SPIRE2: variants seen among roughly 807,000 people sequenced by gnomAD.
The protein encoded by SPIRE2 is spire type actin nucleation factor 2, also known as protein spire homolog 2.
SPIRE2 carries 76 observed loss-of-function variants against 80.7 expected under a neutral mutation model. The observed-to-expected ratio is 0.94, with a 90% CI of 0.78 to 1.14. The LOEUF is 1.14. Among genes scored for constraint, SPIRE2 ranks in the 50% most tolerant of loss-of-function variants. The probability of loss-of-function intolerance (pLI) is 0.00; values close to 1 mark genes in which losing one functional copy is unlikely to be tolerated. For synonymous variants in SPIRE2, 535 were observed against 432.6 expected (o/e 1.24, Z -2.94); for missense variants, 1,196 against 1,015.3 (o/e 1.18, Z -2.42).
At chr16:89,848,082 C>CCGCTA (rs1465292654) in intron 2 of SPIRE2, among the ~76,000 whole-genome samples, 1 of 152,212 alleles carries the variant, frequency 6.6e-6, no homozygotes, top group Non-Finnish European at 1.5e-5. Flanking sequence ...AACACATTTC[C>CCGCTA]CGCTACGCTG....
At chr16:89,864,929 T>A (rs918192869) in intron 12 of SPIRE2, among the ~76,000 whole-genome samples, 1 of 151,666 alleles carries the variant, frequency 6.6e-6, no homozygotes, top group African/African-American at 2.4e-5. Context: ...TTGTAACACG[T>A]GTGTAAGTAG....
chr16:89,860,009 A>G (rs977600591), intron 9 of SPIRE2, among the ~76,000 whole-genome samples: 6 of 152,244 alleles, frequency 3.9e-5, no homozygotes, highest in East Asian at 1.9e-4. Context: ...CAAACCTCAC[A>G]CTTACTTAAC....
In SPIRE2 at chr16:89,845,605, T is replaced by C. The variant is rs1166772947; in HGVS notation, c.288+240T>C. On this transcript the variant is annotated intron_variant, in intron 2 of 14. Coordinates refer to ENST00000378247, the MANE Select transcript of SPIRE2 (RefSeq NM_032451.2). ...GGTGCTTCCGGCCTGGAGGAGGCAG[T>C]GGTGTTACTTCCTTCCACAGCTGCA... 1.6e-5 allele frequency: 11 copies of C among 702,214 alleles called. No homozygotes were observed. In the East Asian group the frequency reaches 2.4e-4, roughly 15 times the overall value. The allele number at this position is 702,214 out of a possible 1,614,324, so 43.5% of individuals were successfully genotyped here. A position where few individuals can be genotyped will look rare whatever the true frequency, so the allele number is the denominator to read the frequency against.
At chr16:89,836,466 C>T (rs1354234790) in intron 1 of SPIRE2, 2 of 306,602 alleles carry the variant, frequency 6.5e-6, no homozygotes, top group Non-Finnish European at 6.6e-6. Context: ...ATCCTCCCTT[C>T]CATCTCATTT....
At position 89,863,293 on chromosome 16, in the gene SPIRE2, C is replaced by G. The variant is rs2041760160; in HGVS notation, c.1576-183C>G. ...TGGTCATGGGAGGCCTGGCCTGCAG[C>G]AGCAGGGCCCATCAAAGACATGGGG... On this transcript the variant is annotated intron_variant, in intron 10 of 14. Coordinates refer to ENST00000378247, the MANE Select transcript of SPIRE2 (RefSeq NM_032451.2). This position sits in a 1 kb window ranked among gnomAD's most constrained non-coding sequence, Gnocchi z 4.3. 4.4e-6 allele frequency: 3 copies of G among 675,046 alleles called. No homozygotes were observed. The highest frequency in any genetic ancestry group is 2.5e-6 in the Non-Finnish European group (1 of 406,912). 41.8% of individuals were successfully genotyped at this position (675,046 alleles called of 1,614,324 possible).
chr16:89,849,965 G>A, intron 2 of SPIRE2: 3 of 397,286 alleles, frequency 7.6e-6, no homozygotes, highest in South Asian at 6.2e-5. Flanking sequence ...AGCCTCCCAA[G>A]TAAATGGGAT....
intron 12 of SPIRE2, among the ~76,000 whole-genome samples, chr16:89,864,372 G>C (rs1274025378): frequency 4.6e-5 from 7 of 152,178 alleles, no homozygotes; most frequent in African/African-American, 1.4e-4. Flanking sequence ...TGAAGGAAAT[G>C]ACTGAAGGCT....
chr16:89,864,417 C>T lies in SPIRE2; in HGVS notation c.1778+556C>T, dbSNP rs768728321. Among the ~76,000 whole-genome samples, 74 of 152,214 alleles carry T rather than the reference C, an allele frequency of 4.9e-4. 1 individual carries two copies. Among genetic ancestry groups the T allele is most frequent in the Admixed American group, 4.2e-3 (64 of 15,272 alleles). Reference sequence around the variant, plus strand: ...TTATCCTAAAGCAGAGATTGGCAGACTATAGCCACGGGCCAAATCTGGTCC... The same window carrying T: ...TTATCCTAAAGCAGAGATTGGCAGATTATAGCCACGGGCCAAATCTGGTCC... On this transcript the variant is annotated intron_variant, in intron 12 of 14. Coordinates refer to ENST00000378247, the MANE Select transcript of SPIRE2 (RefSeq NM_032451.2).
intron 1 of SPIRE2, among the ~76,000 whole-genome samples, chr16:89,832,528 C>G (rs1429385333): frequency 6.6e-5 from 10 of 152,042 alleles, no homozygotes; most frequent in African/African-American, 2.2e-4. Flanking sequence ...GCTTGGAATG[C>G]GTTCCTTAAA....
intron 1 of SPIRE2, among the ~76,000 whole-genome samples, chr16:89,838,552 C>T (rs962111295): frequency 2.6e-5 from 4 of 152,106 alleles, no homozygotes; most frequent in African/African-American, 4.8e-5. Context: ...CAGGGAAGCA[C>T]GGTGAGCCAC....
intron 1 of SPIRE2, among the ~76,000 whole-genome samples, chr16:89,831,956 T>C (rs903218474): frequency 7.2e-6 from 1 of 139,188 alleles, no homozygotes; most frequent in Non-Finnish European, 1.7e-5. Flanking sequence ...TCCATAGTGA[T>C]CTAGGCAGCA....
At chr16:89,835,012 A>G (rs1372270881) in intron 1 of SPIRE2, among the ~76,000 whole-genome samples, 7 of 137,310 alleles carry the variant, frequency 5.1e-5, no homozygotes, top group African/African-American at 8.3e-5. Context: ...ACCTGCCCGC[A>G]CTCGCGGTTG....
intron 1 of SPIRE2, among the ~76,000 whole-genome samples, chr16:89,835,275 G>C (rs2041437015): frequency 1.3e-5 from 2 of 152,230 alleles, no homozygotes; most frequent in Admixed American, 1.3e-4. Flanking sequence ...CTGAGCCCTG[G>C]CTTGGGCAGC....
At chr16:89,860,860 C>A in intron 10 of SPIRE2, 65 bp downstream of exon 10, 1 of 1,044,914 alleles carries the variant, frequency 9.6e-7, no homozygotes, top group Non-Finnish European at 1.3e-6. Context: ...ACCTTCCCGC[C>A]GCCAGCCAGG....
In SPIRE2 at chr16:89,850,414, C is replaced by A; in HGVS notation, c.399C>A (p.Ala133=). Residue 133 remains alanine, a synonymous_variant, in exon 3 of 15, where the codon GCC becomes GCA. Transcript: ENST00000378247. ...PQLERLIDLM[A]NNDSEDSGCG... Reference sequence around the variant, plus strand: ...TGGAGCGGCTCATCGACCTCATGGCCAACAACGACAGCGAGGACAGCGGCT... The same window carrying A: ...TGGAGCGGCTCATCGACCTCATGGCAAACAACGACAGCGAGGACAGCGGCT... 6.3e-7 allele frequency: 1 copy of A among 1,592,526 alleles called. No homozygotes were observed. Among genetic ancestry groups the A allele is most frequent in the African/African-American group, 1.3e-5 (1 of 74,808 alleles).
In SPIRE2 at chr16:89,850,596, G is replaced by A. The variant is rs766837449; in HGVS notation, c.581G>A (p.Arg194His). ...CAGGCGCATTACCAGGCCGTGTGCC[G>A]CGCGCTCTTCGTGGAGACGCTGGAG... The part of the protein sequence containing the change: ...GAQAHYQAVC[R>H]ALFVETLELR... The change falls in exon 3 of 15, where the codon CGC (arginine) becomes CAC (histidine). Residue 194 changes from arginine to histidine, a missense_variant. Coordinates refer to ENST00000378247, the MANE Select transcript of SPIRE2 (RefSeq NM_032451.2). 16 of 1,519,580 alleles carry A rather than the reference G, an allele frequency of 1.1e-5. No homozygotes were observed. Among genetic ancestry groups the A allele is most frequent in the East Asian group, 4.9e-5 (2 of 40,590 alleles). The allele number at this position is 1,519,580 out of a possible 1,614,324, so 94.1% of individuals were successfully genotyped here.
rs776996588 is a variant in SPIRE2 at position 89,850,218 on chromosome 16, T to C, written c.289-86T>C. On this transcript the variant is annotated intron_variant, in intron 2 of 14. Coordinates refer to ENST00000378247, the MANE Select transcript of SPIRE2 (RefSeq NM_032451.2). ...GACAGCTGCTGTCTCCCTGGCCGGG[T>C]GCTGGGCCCTCTGCACCCACCAGCC... 2.7e-6 allele frequency: 3 copies of C among 1,116,896 alleles called. No homozygotes were observed. The Admixed American group carries it at 5.7e-5, about 21-fold the overall frequency. 69.2% of individuals were successfully genotyped at this position (1,116,896 alleles called of 1,614,324 possible).
intron 7 of SPIRE2, 60 bp downstream of exon 7, chr16:89,856,296 C>T: frequency 6.6e-7 from 1 of 1,516,510 alleles, no homozygotes; most frequent in South Asian, 1.2e-5. Context: ...TTCCCCCATT[C>T]CCCTGGTCAG....
chr16:89,869,660 A>G lies in SPIRE2; in HGVS notation c.1900A>G (p.Ile634Val), dbSNP rs2041821863. The change falls in exon 14 of 15, where the codon ATC becomes GTC. Residue 634 changes from isoleucine to valine, a missense_variant. Transcript: ENST00000378247. ...QRVSAAKTAP[I>V]QRRDIFQSLQ... ...GGTATCAGCTGCCAAAACCGCGCCA[A>G]TCCAGAGAAGAGACATCTTTCAGTG... The G allele has an allele frequency of 1.9e-6, 3 of 1,613,908 alleles. No homozygotes were observed. The highest frequency in any genetic ancestry group is 1.1e-5 in the South Asian group (1 of 91,080).
Sources: allele counts gnomAD v4.1 joint callset (sites outside exome capture counted in the v4.1 genomes callset), GRCh38; gene constraint gnomAD v4.1.1; non-coding constraint Gnocchi (gnomAD v3.1); transcripts MANE v1.5; gene names NCBI Gene and HGNC (gene_info 2026-07-23, HGNC 2026-07-21).